Variants in EFCAB3 observed in about 807,000 individuals in gnomAD.
EFCAB3 encodes the protein EF-hand calcium-binding domain-containing protein 3.
EFCAB3 carries 36 observed loss-of-function variants against 42.2 expected under a neutral mutation model. The observed-to-expected ratio is 0.85, with a 90% CI of 0.65 to 1.13. The LOEUF (loss-of-function observed/expected upper bound fraction) is 1.13, where lower values mean the gene tolerates loss of function less well. EFCAB3 is among the 50% of genes most tolerant of loss of function. The pLI is 0.00. For missense variants in EFCAB3, 418 were observed against 505.1 expected (o/e 0.83, Z 1.65); for synonymous variants, 170 against 172.8 (o/e 0.98, Z 0.13).
intron 1 of EFCAB3, 97 bp from the exon 2 acceptor site, chr17:62,382,866 A>G: frequency 9.8e-7 from 1 of 1,022,894 alleles, no homozygotes; most frequent in South Asian, 1.7e-5. Flanking sequence ...GAGGCCCTAG[A>G]CTTTTCAAAC....
chr17:62,415,351 CT>C (rs1392801135), intron 9 of EFCAB3, among the ~76,000 whole-genome samples: 6 of 152,262 alleles, frequency 3.9e-5, no homozygotes, highest in Admixed American at 2.0e-4. Flanking sequence ...ATTTATTTCA[CT>C]TTCATTAGAA....
chr17:62,383,891 G>T (rs2070225846), intron 2 of EFCAB3, among the ~76,000 whole-genome samples: 1 of 152,076 alleles, frequency 6.6e-6, no homozygotes, highest in Admixed American at 6.5e-5. Context: ...ACTGACCCTG[G>T]GCTAAAATTG....
Position 62,406,655 on chromosome 17 carries a change from T to C in EFCAB3, c.664T>C (p.Phe222Leu). The C allele has an allele frequency of 6.2e-7, 1 of 1,614,042 alleles. No homozygotes were observed. The highest frequency in any genetic ancestry group is 8.5e-7 in the Non-Finnish European group (1 of 1,179,952). Reference sequence around the variant, plus strand: ...AATGAAAGAAAAGGATTTATTTAAATTTCTTGAAGAGCTCAAGAGTAAGAG... The same window carrying C: ...AATGAAAGAAAAGGATTTATTTAAACTTCTTGAAGAGCTCAAGAGTAAGAG... ...AIMKEKDLFK[F>L]LEELKRCNSG... The change falls in exon 7 of 10, where the codon TTT becomes CTT. Residue 222 changes from phenylalanine (F) to leucine (L), a missense_variant. By Grantham distance (22) the Phe-to-Leu change is conservative. Transcript: ENST00000305286.
At chr17:62,406,917 C>G in intron 7 of EFCAB3, 111 bp from the exon 8 acceptor site, 1 of 1,086,144 alleles carries the variant, frequency 9.2e-7, no homozygotes, top group South Asian at 1.7e-5. Flanking sequence ...AGAATGAGGG[C>G]CATGGCCACT....
At chr17:62,410,439 G>T (rs2070485122) in intron 8 of EFCAB3, among the ~76,000 whole-genome samples, 1 of 151,934 alleles carries the variant, frequency 6.6e-6, no homozygotes, top group Non-Finnish European at 1.5e-5. Flanking sequence ...CCCACACATA[G>T]ACTCCCTATG....
chr17:62,401,853 G>C (rs552014002), intron 6 of EFCAB3, among the ~76,000 whole-genome samples: 21 of 152,222 alleles, frequency 1.4e-4, no homozygotes, highest in African/African-American at 4.8e-4. Context: ...GATGGGGATG[G>C]CATTGAATCT....
At chr17:62,402,684 C>T (rs1384907881) in intron 6 of EFCAB3, among the ~76,000 whole-genome samples, 14 of 152,116 alleles carry the variant, frequency 9.2e-5, no homozygotes, top group Non-Finnish European at 1.6e-4. Flanking sequence ...CTGCTGGATT[C>T]GGTTTGCCAG....
intron 2 of EFCAB3, 81 bp from the exon 3 acceptor site, chr17:62,387,259 A>G: frequency 4.7e-6 from 5 of 1,061,812 alleles, no homozygotes; most frequent in Non-Finnish European, 7.0e-6. Flanking sequence ...TCATTCCAGT[A>G]AGCAGAAACT....
intron 6 of EFCAB3, chr17:62,397,881 C>T: frequency 3.7e-6 from 1 of 271,484 alleles, no homozygotes; most frequent in Non-Finnish European, 7.1e-6. Flanking sequence ...AAAAATTAGC[C>T]AGGCATGGTG....
At chr17:62,398,245 G>A (rs2070369461) in intron 6 of EFCAB3, 1 of 161,178 alleles carries the variant, frequency 6.2e-6, no homozygotes, top group Non-Finnish European at 1.4e-5. Flanking sequence ...CTTGAAGCCA[G>A]GAGTTCGAGA....
chr17:62,415,960 T>C (rs1477638056), intron 9 of EFCAB3, 43 bp from the exon 10 acceptor site: 1 of 1,465,484 alleles, frequency 6.8e-7, no homozygotes, highest in African/African-American at 1.4e-5. Flanking sequence ...AAATCAAAGC[T>C]ACTTTAAGGT....
Position 62,413,802 on chromosome 17 carries a change from T to G in EFCAB3, c.938T>G (p.Leu313Arg), listed in dbSNP as rs1567729858. ...SNNIFTIDQM[L>R]KKKQTCTVAD... ...AACATCTTCACCATTGATCAAATGC[T>G]CAAGAAAAAGCAGACTTGTACAGTG... The change falls in exon 9 of 10, where the codon CTC becomes CGC. Residue 313 changes from leucine to arginine, a missense_variant. Transcript: ENST00000305286. 1.9e-6 allele frequency: 3 copies of G among 1,613,644 alleles called. No individual in the cohort carries two copies. The highest frequency in any genetic ancestry group is 2.5e-6 in the Non-Finnish European group (3 of 1,179,786).
intron 7 of EFCAB3, 67 bp from the exon 8 acceptor site, chr17:62,406,952 GGCACCACAT>G (rs1297239738): frequency 6.9e-7 from 1 of 1,459,590 alleles, no homozygotes; most frequent in African/African-American, 1.4e-5. Context: ...AAGCAAAACA[GGCACCACAT>G]GCTGGTCTTT....
At chr17:62,409,145 C>T (rs902392459) in intron 8 of EFCAB3, among the ~76,000 whole-genome samples, 2 of 152,210 alleles carry the variant, frequency 1.3e-5, no homozygotes, top group Non-Finnish European at 2.9e-5. Flanking sequence ...ACAACCTCCA[C>T]TTCCCAGGTT....
intron 6 of EFCAB3, chr17:62,397,345 C>A (rs1278902579): frequency 3.0e-6 from 1 of 336,900 alleles, no homozygotes; most frequent in Non-Finnish European, 5.7e-6. Flanking sequence ...CCTGGTGAAA[C>A]CCCATCTCTA....
At chr17:62,398,158 A>ATCTTTTGG (rs1567725225) in intron 6 of EFCAB3, 6 of 242,574 alleles carry the variant, frequency 2.5e-5, no homozygotes, top group African/African-American at 1.2e-4. Flanking sequence ...AATAGTGAAA[A>ATCTTTTGG]CACTGTAGTG....
At chr17:62,378,043 C>G (rs2070164051), upstream of EFCAB3, 5 of 1,538,012 alleles carry the variant, frequency 3.3e-6, no homozygotes, top group Non-Finnish European at 4.4e-6. Flanking sequence ...TGATGTGAAG[C>G]CATTGTAAAG....
rs752164551 is a variant in EFCAB3 at position 62,416,251 on chromosome 17, C to T, written c.1239C>T (p.Ser413=). ...CCTCCCATAACTCCAGATCCTCTTC[C>T]TCATCAGATACCAGTGAATGTTACA... ...RNSSHNSRSS[S]SSDTSECYTD... Residue 413 remains serine, a synonymous_variant, in exon 10 of 10, where the codon TCC becomes TCT. Coordinates refer to ENST00000305286, the MANE Select transcript of EFCAB3 (RefSeq NM_173503.4). 2 of 1,613,784 alleles carry T rather than the reference C, an allele frequency of 1.2e-6. No individual in the cohort carries two copies. Among genetic ancestry groups the T allele is most frequent in the Non-Finnish European group, 1.7e-6 (2 of 1,179,862 alleles).
chr17:62,391,895 T>A lies in EFCAB3; in HGVS notation c.225T>A (p.Thr75=). The part of the protein sequence containing the change: ...GCIDFHGLMC[T]VAKLGMNLTK... ...TTGATTTCCATGGACTGATGTGCAC[T>A]GTAGCTAAGCTGGGAATGAATCTGA... Residue 75 remains threonine, a synonymous_variant, in exon 4 of 10, where the codon ACT becomes ACA. Transcript: ENST00000305286. The A allele has an allele frequency of 6.2e-7, 1 of 1,613,800 alleles. No individual in the cohort carries two copies. The highest frequency in any genetic ancestry group is 8.5e-7 in the Non-Finnish European group (1 of 1,179,824).
Sources: gnomAD v4.1 joint callset for allele counts (sites outside exome capture counted in the v4.1 genomes callset) on GRCh38, gnomAD v4.1.1 for gene constraint, MANE v1.5 for transcripts, NCBI Gene and HGNC (gene_info 2026-07-23, HGNC 2026-07-21) for gene names.